The following ALPP variants were observed in gnomAD, a reference collection of about 807,000 sequenced individuals.
ALPP encodes alkaline phosphatase, placental, also known as alkaline phosphatase, placental type.
In ALPP, 39 loss-of-function variants were observed where a neutral mutation model predicts 50.7. The observed-to-expected ratio is 0.77, with a 90% CI of 0.60 to 1.00. ALPP has a LOEUF of 1.00. ALPP is among the 50% of genes least tolerant of loss of function. The pLI, the probability that ALPP is intolerant of heterozygous loss-of-function variation, is 0.00. For synonymous variants in ALPP, 226 were observed against 320.3 expected, an observed-to-expected ratio of 0.71 and a Z score of 3.14; for missense variants, 550 against 746.8, an observed-to-expected ratio of 0.74 and a Z score of 3.07.
In ALPP at chr2:232,380,220, G is replaced by C. The variant is rs1048988; in HGVS notation, c.692G>C (p.Arg231Pro). The C allele has an allele frequency of 0.26, 399,806 of 1,563,082 alleles. 52,638 individuals carry two copies. Among genetic ancestry groups the C allele is most frequent in the Non-Finnish European group, 0.28 (323,215 of 1,158,932 alleles). ...ILGGGRKYMF[R>P]MGTPDPEYPD... is the part of the protein sequence containing the mutation. ...GGTGGAGGCCGAAAGTACATGTTTC[G>C]CATGGGAACCCCAGACCCTGAGTAC... The change falls in exon 6 of 11, where the codon CGC becomes CCC. Residue 231 changes from arginine (R) to proline (P), a missense_variant. Coordinates refer to ENST00000392027, the MANE Select transcript of ALPP (RefSeq NM_001632.5).
rs766967562 is a variant in ALPP at position 232,379,057 on chromosome 2, G to T, written c.163G>T (p.Ala55Ser). 12 of 1,614,094 alleles carry T rather than the reference G, an allele frequency of 7.4e-6. No individual in the cohort carries two copies. Among genetic ancestry groups the T allele is most frequent in the East Asian group, 6.7e-5 (3 of 44,868 alleles). The change falls in exon 2 of 11, where the codon GCC becomes TCC. Residue 55 changes from alanine (A) to serine (S), a missense_variant. Ala to Ser is a moderately conservative substitution (Grantham distance 99, BLOSUM62 1). Coordinates refer to ENST00000392027, the MANE Select transcript of ALPP (RefSeq NM_001632.5). The part of the protein sequence containing the change: ...AKKLQPAQTA[A>S]KNLIIFLGDG... ...GAAGCTGCAGCCTGCACAGACAGCC[G>T]CCAAGAACCTCATCATCTTCCTGGG...
At chr2:232,379,175 GC>G (rs1296116484) in intron 2 of ALPP, 24 bp from the exon 3 acceptor site, 1 of 1,614,104 alleles carries the variant, frequency 6.2e-7, no homozygotes, top group African/African-American at 1.3e-5. Context: ...TGGGGCCCAA[GC>G]CTCACACATT....
rs779101647 is a variant in ALPP at position 232,380,504 on chromosome 2, C to T, written c.865+12C>T. Reference sequence around the variant, plus strand: ...GACCCATCTCATGGGTAATGACCCCCTTCCTGCCCTGGCATCCCTCAGATG... The same window carrying T: ...GACCCATCTCATGGGTAATGACCCCTTTCCTGCCCTGGCATCCCTCAGATG... On this transcript the variant is annotated intron_variant, in intron 7 of 10. Coordinates refer to ENST00000392027, the MANE Select transcript of ALPP (RefSeq NM_001632.5). 4.3e-6 allele frequency: 7 copies of T among 1,613,942 alleles called. No homozygotes were observed. In the Admixed American group the frequency reaches 5.0e-5, roughly 12 times the overall value.
At position 232,380,515 on chromosome 2, in the gene ALPP, G is replaced by A. The variant is rs773654734; in HGVS notation, c.865+23G>A. On this transcript the variant is annotated intron_variant, in intron 7 of 10. Transcript: ENST00000392027. Reference sequence around the variant, plus strand: ...TGGGTAATGACCCCCTTCCTGCCCTGGCATCCCTCAGATGGCCTCAGATGG... The same window carrying A: ...TGGGTAATGACCCCCTTCCTGCCCTAGCATCCCTCAGATGGCCTCAGATGG... The A allele has an allele frequency of 5.0e-6, 8 of 1,613,928 alleles. No homozygotes were observed. In the South Asian group the frequency reaches 7.7e-5, roughly 16 times the overall value.
rs150830244 is a variant in ALPP at position 232,381,301 on chromosome 2, T to C, written c.1243T>C (p.Tyr415His). The C allele has an allele frequency of 6.2e-7, 1 of 1,613,976 alleles. No homozygotes were observed. The highest frequency in any genetic ancestry group is 8.5e-7 in the Non-Finnish European group (1 of 1,180,004). Residue 415 changes from tyrosine to histidine, a missense_variant, in exon 10 of 11, where the codon TAC (tyrosine) becomes CAC (histidine). Around this residue, in one of 5 missense-constraint regions of ALPP, gnomAD observed 9 missense variants for 28.9 expected, o/e 0.31. Transcript: ENST00000392027. ...RDRKAYTVLL[Y>H]GNGPGYVLKD... is the part of the protein sequence containing the mutation. ...CAGGAAGGCCTACACGGTCCTCCTA[T>C]ACGGAAACGGTCCAGGCTATGTGCT...
At position 232,380,240 on chromosome 2, in the gene ALPP, G is replaced by C. The variant is rs200005340; in HGVS notation, c.712G>C (p.Glu238Gln). The C allele has an allele frequency of 4.5e-5, 73 of 1,614,012 alleles. 1 individual carries two copies. The highest frequency in any genetic ancestry group is 6.1e-5 in the Non-Finnish European group (72 of 1,180,010). The change falls in exon 6 of 11, where the codon GAG (glutamate) becomes CAG (glutamine). Residue 238 changes from glutamate (E) to glutamine (Q), a missense_variant. Glu to Gln is a conservative substitution (Grantham distance 29). Transcript: ENST00000392027. ...YMFRMGTPDP[E>Q]YPDDYSQGGT... ...GTTTCGCATGGGAACCCCAGACCCT[G>C]AGTACCCAGATGACTACAGCCAAGG...
chr2:232,379,147 G>T, intron 2 of ALPP, 53 bp from the exon 3 acceptor site: 1 of 1,614,094 alleles, frequency 6.2e-7, no homozygotes, highest in Admixed American at 1.7e-5. Context: ...CGGACCCTCA[G>T]TGGTTCCAGG....
Position 232,380,215 on chromosome 2 carries a change from G to A in ALPP, c.687G>A (p.Met229Ile), listed in dbSNP as rs779193102. The stretch of plus-strand genomic sequence containing the variant: ...TCCTAGGTGGAGGCCGAAAGTACAT[G>A]TTTCGCATGGGAACCCCAGACCCTG... ...DVILGGGRKY[M>I]FRMGTPDPEY... Residue 229 changes from methionine (M) to isoleucine (I), a missense_variant, in exon 6 of 11, where the codon ATG becomes ATA. This residue lies in a region of ALPP where 376 missense variants were observed against 388.5 expected (regional missense o/e 0.97). Coordinates refer to ENST00000392027, the MANE Select transcript of ALPP (RefSeq NM_001632.5). 8 of 1,614,034 alleles carry A rather than the reference G, an allele frequency of 5.0e-6. No homozygotes were observed. Among genetic ancestry groups the A allele is most frequent in the Non-Finnish European group, 5.9e-6 (7 of 1,180,010 alleles).
chr2:232,380,584 C>T (rs377207726), intron 7 of ALPP, 39 bp from the exon 8 acceptor site: 351 of 1,613,960 alleles, frequency 2.2e-4, no homozygotes, highest in Middle Eastern at 1.8e-3. Context: ...CCCGCCCACC[C>T]CCAGCCTGCC....
chr2:232,380,135 C>A, intron 5 of ALPP, 51 bp from the exon 6 acceptor site: 1 of 1,612,908 alleles, frequency 6.2e-7, no homozygotes, highest in Non-Finnish European at 8.5e-7. Flanking sequence ...GAGGAGGGGG[C>A]ACGGGGCCAG....
chr2:232,379,816 C>T lies in ALPP; in HGVS notation c.537C>T (p.Ala179=), dbSNP rs150864150. The T allele has an allele frequency of 9.6e-5, 155 of 1,613,884 alleles. 2 individuals carry two copies. In the South Asian group the frequency reaches 1.4e-3, roughly 15 times the overall value. ...CACGAGTGCAGCACGCCTCGCCAGC[C>T]GGCACCTACGCCCACACGGTGAACC... The part of the protein sequence containing the change: ...TTTRVQHASP[A]GTYAHTVNRN... Residue 179 remains alanine (A), a synonymous_variant, in exon 5 of 11, where the codon GCC becomes GCT. Transcript: ENST00000392027.
intron 7 of ALPP, 49 bp from the exon 8 acceptor site, chr2:232,380,574 C>G (rs372804111): frequency 3.5e-5 from 57 of 1,613,682 alleles, no homozygotes; most frequent in Non-Finnish European, 2.6e-5. Context: ...TCCGCCAGCA[C>G]CCGCCCACCC....
At chr2:232,378,946 T>C (rs768902262) in intron 1 of ALPP, 25 bp from the exon 2 acceptor site, 1 of 1,614,064 alleles carries the variant, frequency 6.2e-7, no homozygotes, top group South Asian at 1.1e-5. Context: ...CAGGCTGACC[T>C]GATTTTTGCT....
At position 232,382,191 on chromosome 2, in the gene ALPP, G is replaced by T. The variant is rs1696731544; in HGVS notation, c.*396G>T. The T allele has an allele frequency of 7.8e-6, 2 of 257,010 alleles. No homozygotes were observed. Among genetic ancestry groups the T allele is most frequent in the East Asian group, 1.9e-4 (2 of 10,792 alleles). 15.9% of individuals were successfully genotyped at this position (257,010 alleles called of 1,614,324 possible). A position where few individuals can be genotyped will look rare whatever the true frequency, so the allele number is the denominator to read the frequency against. On this transcript the variant is annotated 3_prime_UTR_variant, in exon 11 of 11. Transcript: ENST00000392027. ...AGTCCTTGAATCACCTGTGGGACTT[G>T]AGGACTCGGGATCTTCAGGACGCCT...
chr2:232,379,651 G>A lies in ALPP; in HGVS notation c.448G>A (p.Glu150Lys), dbSNP rs778841965. ...FNQCNTTRGN[E>K]VISVMNRAKK... ...CCAGTGCAACACGACACGCGGCAAC[G>A]AGGTCATCTCCGTGATGAATCGGGC... Residue 150 changes from glutamate to lysine, a missense_variant, in exon 4 of 11, where the codon GAG (glutamate) becomes AAG (lysine). By Grantham distance (56) the Glu-to-Lys change is moderately conservative. Around this residue, in one of 5 missense-constraint regions of ALPP, gnomAD observed 376 missense variants for 388.5 expected, o/e 0.97. Coordinates refer to ENST00000392027, the MANE Select transcript of ALPP (RefSeq NM_001632.5). 36 of 1,613,816 alleles carry A rather than the reference G, an allele frequency of 2.2e-5. No individual in the cohort carries two copies. Among genetic ancestry groups the A allele is most frequent in the East Asian group, 1.6e-4 (7 of 44,894 alleles).
chr2:232,379,505 G>C lies in ALPP; in HGVS notation c.310-8G>C, dbSNP rs200999956. The C allele has an allele frequency of 1.7e-4, 271 of 1,613,966 alleles. No homozygotes were observed. In the East Asian group the frequency reaches 5.4e-3, roughly 32 times the overall value. On this transcript the variant is annotated splice_region_variant and splice_polypyrimidine_tract_variant and intron_variant, in intron 3 of 10. Transcript: ENST00000392027. ...CCAGAGAAGAGCTCAGAGTGTCTCT[G>C]TCCCCAGACATACAATGTAGACAAA... is the stretch of plus-strand genomic sequence containing the variant.
Position 232,379,542 on chromosome 2 carries a change from C to G in ALPP, c.339C>G (p.Asp113Glu), listed in dbSNP as rs775513971. Residue 113 changes from aspartate to glutamate, a missense_variant, in exon 4 of 11, where the codon GAC (aspartate) becomes GAG (glutamate). Asp to Glu is a conservative substitution (Grantham distance 45). Coordinates refer to ENST00000392027, the MANE Select transcript of ALPP (RefSeq NM_001632.5). ...KTYNVDKHVP[D>E]SGATATAYLC... ...ACAATGTAGACAAACATGTGCCAGACAGTGGAGCCACAGCCACGGCCTACC... is the reference window on the plus strand; with the variant it reads ...ACAATGTAGACAAACATGTGCCAGAGAGTGGAGCCACAGCCACGGCCTACC... 18 of 1,614,100 alleles carry G rather than the reference C, an allele frequency of 1.1e-5. No homozygotes were observed. In the Admixed American group the frequency reaches 2.5e-4, roughly 22 times the overall value.
rs1286863230 is a variant in ALPP at position 232,381,677 on chromosome 2, A to G, written c.1490A>G (p.Asp497Gly). The G allele has an allele frequency of 3.1e-6, 5 of 1,608,882 alleles. No homozygotes were observed. The highest frequency in any genetic ancestry group is 4.2e-6 in the Non-Finnish European group (5 of 1,178,520). Residue 497 changes from aspartate to glycine, a missense_variant, in exon 11 of 11, where the codon GAC (aspartate) becomes GGC (glycine). By Grantham distance (94) the Asp-to-Gly change is moderately conservative (BLOSUM62 -1). Coordinates refer to ENST00000392027, the MANE Select transcript of ALPP (RefSeq NM_001632.5). ...AACLEPYTAC[D>G]LAPPAGTTDA... The stretch of plus-strand genomic sequence containing the variant: ...TGCCTGGAGCCCTACACCGCCTGCG[A>G]CCTGGCGCCCCCCGCCGGCACCACC...
At chr2:232,380,048 G>T (rs1441625990) in intron 5 of ALPP, 112 bp downstream of exon 5, 6 of 1,564,940 alleles carry the variant, frequency 3.8e-6, no homozygotes, top group Non-Finnish European at 4.3e-6. Flanking sequence ...TCTGGAGGTG[G>T]GGTTGTGGGC....
Sources: gnomAD v4.1 joint callset for allele counts on GRCh38, gnomAD v4.1.1 for gene constraint, gnomAD v4.1.1 regional missense constraint, MANE v1.5 for transcripts, NCBI Gene and HGNC (gene_info 2026-07-23, HGNC 2026-07-21) for gene names.